CSMD1: variants seen among roughly 807,000 people sequenced by gnomAD.
The protein encoded by CSMD1 is CUB and sushi domain-containing protein 1.
CSMD1 carries 213 observed loss-of-function variants against 417.5 expected under a neutral mutation model. The ratio of observed to expected loss-of-function variants is 0.51; its 90% confidence interval spans 0.46 to 0.57. The LOEUF (loss-of-function observed/expected upper bound fraction) is 0.57, where lower values mean the gene tolerates loss of function less well. Among genes scored for constraint, CSMD1 ranks in the 20% least tolerant of loss-of-function variants. The pLI is 0.00. For missense variants in CSMD1, 6,923 were observed against 4,529.7 expected, an observed-to-expected ratio of 1.53 and a Z score of -15.17; for synonymous variants, 2,862 against 1,736.8, an observed-to-expected ratio of 1.65 and a Z score of -16.11.
At chr8:3,633,359 C>T (rs1584992417) in intron 7 of CSMD1, among the ~76,000 whole-genome samples, 1 of 152,166 alleles carries the variant, frequency 6.6e-6, no homozygotes, top group African/African-American at 2.4e-5. Flanking sequence ...TGTCTTTGGT[C>T]CTGCCATATT....
At chr8:4,931,651 G>T (rs1807258648) in intron 1 of CSMD1, among the ~76,000 whole-genome samples, 1 of 152,262 alleles carries the variant, frequency 6.6e-6, no homozygotes, top group Admixed American at 6.5e-5. Context: ...TTTGGAAAAA[G>T]GGATTAGATA....
intron 3 of CSMD1, among the ~76,000 whole-genome samples, chr8:4,110,777 G>A (rs781312520): frequency 4.6e-5 from 7 of 151,932 alleles, no homozygotes; most frequent in African/African-American, 1.2e-4. Context: ...ACATTCAAAC[G>A]AGAGATATTT....
chr8:3,280,985 T>G (rs10091021), intron 26 of CSMD1, among the ~76,000 whole-genome samples: 3 of 151,770 alleles, frequency 2.0e-5, no homozygotes, highest in Non-Finnish European at 4.4e-5. Context: ...AGGAGTAAAA[T>G]GAAGTACATT....
chr8:2,999,837 C>A, intron 53 of CSMD1, 121 bp downstream of exon 53: 1 of 853,146 alleles, frequency 1.2e-6, no homozygotes, highest in East Asian at 2.8e-5. Context: ...ATAGGCAAAA[C>A]TGAAAGTTTG....
At chr8:3,947,599 T>C (rs1041183292) in intron 5 of CSMD1, among the ~76,000 whole-genome samples, 1 of 152,154 alleles carries the variant, frequency 6.6e-6, no homozygotes, top group African/African-American at 2.4e-5. Flanking sequence ...TAGAAGTGTT[T>C]TGTTTAGTTT....
intron 7 of CSMD1, among the ~76,000 whole-genome samples, chr8:3,655,603 C>T (rs147608505): frequency 2.0e-5 from 3 of 151,988 alleles, no homozygotes; most frequent in Non-Finnish European, 4.4e-5. Flanking sequence ...CCCACCAGGC[C>T]CCTCAGGCAG....
At chr8:3,950,454 G>A (rs367626261) in intron 5 of CSMD1, among the ~76,000 whole-genome samples, 1 of 152,186 alleles carries the variant, frequency 6.6e-6, no homozygotes, top group African/African-American at 2.4e-5. Flanking sequence ...CAACGCATGA[G>A]TGGTTCAGCT....
intron 5 of CSMD1, among the ~76,000 whole-genome samples, chr8:3,908,981 T>G (rs1469115593): frequency 6.6e-6 from 1 of 152,216 alleles, no homozygotes; most frequent in Admixed American, 6.5e-5. Context: ...ACTACTTCAC[T>G]ACTACAGTGT....
chr8:4,604,410 T>TGCGCGCGCGC (rs148463995), intron 2 of CSMD1, among the ~76,000 whole-genome samples: 1 of 146,152 alleles, frequency 6.8e-6, no homozygotes, highest in East Asian at 2.0e-4. Flanking sequence ...TGTGTGTGTG[T>TGCGCGCGCGC]GCGCGTGCGT....
chr8:4,534,462 G>A (rs565863551), intron 2 of CSMD1, among the ~76,000 whole-genome samples: 2 of 152,022 alleles, frequency 1.3e-5, no homozygotes, highest in African/African-American at 2.4e-5. Context: ...TTTTGTTATT[G>A]TTTTAAATGT....
intron 5 of CSMD1, among the ~76,000 whole-genome samples, chr8:3,830,012 G>A (rs1401783822): frequency 6.6e-6 from 1 of 152,054 alleles, no homozygotes. Context: ...TGTTAACAAG[G>A]TAAGTGGATT....
chr8:4,981,469 T>A (rs1810884190), intron 1 of CSMD1, among the ~76,000 whole-genome samples: 1 of 152,208 alleles, frequency 6.6e-6, no homozygotes, highest in African/African-American at 2.4e-5. Flanking sequence ...AAACCTGATA[T>A]CATCAATTAG....
chr8:4,525,453 T>C lies in CSMD1; in HGVS notation c.303-105388A>G, dbSNP rs114019370. The stretch of plus-strand genomic sequence containing the variant: ...TACTTTAACCATGAGCTGTAACATA[T>C]TACAAATTATGCAGATAACACATTG... On this transcript the variant is annotated intron_variant, in intron 2 of 69. Coordinates refer to ENST00000635120, the MANE Select transcript of CSMD1 (RefSeq NM_033225.6). 9.7e-3 allele frequency among the ~76,000 whole-genome samples: 1,474 copies of C among 152,284 alleles called. 26 individuals are homozygous for C. Among genetic ancestry groups the C allele is most frequent in the African/African-American group, 0.034 (1,409 of 41,562 alleles).
chr8:4,936,298 G>A (rs1317360839), intron 1 of CSMD1, among the ~76,000 whole-genome samples: 3 of 152,152 alleles, frequency 2.0e-5, no homozygotes, highest in Admixed American at 6.5e-5. Flanking sequence ...TAAAATGTGT[G>A]CATGGGATTG....
At chr8:3,942,605 G>T (rs907891364) in intron 5 of CSMD1, among the ~76,000 whole-genome samples, 3 of 152,142 alleles carry the variant, frequency 2.0e-5, no homozygotes, top group Non-Finnish European at 4.4e-5. Context: ...CTCTAAAGGC[G>T]ACATTGGTCC....
chr8:3,945,749 G>C (rs866735980), intron 5 of CSMD1, among the ~76,000 whole-genome samples: 2 of 152,032 alleles, frequency 1.3e-5, no homozygotes, highest in Admixed American at 6.6e-5. Context: ...AGAAAACCAA[G>C]AAATGGGCTG....
At chr8:4,853,661 C>T (rs928133169) in intron 1 of CSMD1, among the ~76,000 whole-genome samples, 1 of 152,200 alleles carries the variant, frequency 6.6e-6, no homozygotes, top group African/African-American at 2.4e-5. Flanking sequence ...GAACACTACC[C>T]AGTGGAGCTG....
chr8:4,951,078 G>A (rs943187703), intron 1 of CSMD1, among the ~76,000 whole-genome samples: 2 of 151,884 alleles, frequency 1.3e-5, no homozygotes, highest in African/African-American at 4.8e-5. Flanking sequence ...AATAAATGAA[G>A]AATGAGATTT....
intron 49 of CSMD1, among the ~76,000 whole-genome samples, chr8:3,054,585 T>G (rs1283633703): frequency 1.3e-5 from 2 of 152,034 alleles, no homozygotes; most frequent in South Asian, 4.2e-4. Flanking sequence ...GCCAGTGCAC[T>G]CCAGACTGGG....
Sources: gnomAD v4.1 joint callset for allele counts (sites outside exome capture counted in the v4.1 genomes callset) on GRCh38, gnomAD v4.1.1 for gene constraint, MANE v1.5 for transcripts, NCBI Gene and HGNC (gene_info 2026-07-23, HGNC 2026-07-21) for gene names.